The following TGFBRAP1 variants were observed in gnomAD, a reference collection of about 807,000 sequenced individuals.
TGFBRAP1 encodes the protein transforming growth factor-beta receptor-associated protein 1.
A neutral mutation model predicts 83.2 loss-of-function variants in TGFBRAP1; 20 were observed. The observed-to-expected ratio is 0.24, with a 90% confidence interval of 0.17 to 0.35. The LOEUF is 0.35. Among genes scored for constraint, TGFBRAP1 ranks in the 10% least tolerant of loss-of-function variants. The pLI is 1.00. For missense variants in TGFBRAP1, 950 were observed against 1,099.4 expected (o/e 0.86, Z 1.92); for synonymous variants, 415 against 459.8 (o/e 0.90, Z 1.25).
intron 4 of TGFBRAP1, among the ~76,000 whole-genome samples, chr2:105,287,749 A>G (rs1211235104): frequency 6.6e-6 from 1 of 152,128 alleles, no homozygotes; most frequent in African/African-American, 2.4e-5. Context: ...ACTCCTAACT[A>G]ATCCCAGGCT....
intron 5 of TGFBRAP1, among the ~76,000 whole-genome samples, chr2:105,282,183 G>A (rs1371418432): frequency 6.6e-6 from 1 of 152,210 alleles, no homozygotes; most frequent in Non-Finnish European, 1.5e-5. Context: ...AAGCTAGAAT[G>A]GGCATGCCAG....
At chr2:105,274,876 G>A (rs1272494279) in intron 8 of TGFBRAP1, among the ~76,000 whole-genome samples, 6 of 152,212 alleles carry the variant, frequency 3.9e-5, no homozygotes, top group Non-Finnish European at 4.4e-5. Context: ...TCTCCAAGGG[G>A]AGCCATGGAA....
chr2:105,281,664 T>G (rs553074535), intron 5 of TGFBRAP1, among the ~76,000 whole-genome samples: 96 of 152,212 alleles, frequency 6.3e-4, no homozygotes, highest in African/African-American at 2.2e-3. Flanking sequence ...CCCAAACTGA[T>G]CTCAAGCTAC....
chr2:105,275,421 G>C, intron 8 of TGFBRAP1, 139 bp downstream of exon 8: 2 of 1,370,512 alleles, frequency 1.5e-6, no homozygotes, highest in Admixed American at 2.8e-5. Flanking sequence ...GGTATTAAAA[G>C]GGGAATAATA....
At position 105,273,643 on chromosome 2, in the gene TGFBRAP1, C is replaced by T. The variant is rs1385514711; in HGVS notation, c.1713G>A (p.Lys571=). Residue 571 remains lysine, a synonymous_variant, in exon 9 of 12, where the codon AAG becomes AAA. Transcript: ENST00000393359. ...FTKRPLDEQQ[K]NSFNPDDIIN... is the part of the protein sequence containing the mutation. ...TAATGTCGTCTGGATTAAAACTGTT[C>T]TTCTGCTGTTCATCCAAAGGTCTCT... 6.2e-7 allele frequency: 1 copy of T among 1,614,070 alleles called. No individual in the cohort carries two copies. The highest frequency in any genetic ancestry group is 1.7e-5 in the Admixed American group (1 of 60,014).
At chr2:105,268,797 G>A (rs1328262174) in intron 11 of TGFBRAP1, among the ~76,000 whole-genome samples, 1 of 152,350 alleles carries the variant, frequency 6.6e-6, no homozygotes, top group East Asian at 1.9e-4. Flanking sequence ...CGAAGAATGT[G>A]GGGTTCTCAA....
chr2:105,262,302 G>T (rs1346226938), downstream of TGFBRAP1, among the ~76,000 whole-genome samples: 1 of 152,172 alleles, frequency 6.6e-6, no homozygotes, highest in Non-Finnish European at 1.5e-5. Context: ...GTGGTAAAGA[G>T]TGAGTTCTCA....
intron 2 of TGFBRAP1, among the ~76,000 whole-genome samples, chr2:105,301,697 C>T (rs1358161471): frequency 1.3e-5 from 2 of 152,130 alleles, no homozygotes; most frequent in Non-Finnish European, 2.9e-5. Context: ...AGAAGCAATA[C>T]CTGAAAATAT....
intron 1 of TGFBRAP1, among the ~76,000 whole-genome samples, chr2:105,309,101 A>C (rs1678615002): frequency 6.6e-6 from 1 of 152,238 alleles, no homozygotes; most frequent in East Asian, 1.9e-4. Context: ...AGACTTTCCC[A>C]CACACTAGCC....
chr2:105,283,454 A>G (rs181185918), intron 5 of TGFBRAP1, among the ~76,000 whole-genome samples: 8 of 152,368 alleles, frequency 5.3e-5, no homozygotes, highest in Admixed American at 2.0e-4. Flanking sequence ...GGATGAAAAT[A>G]TCTATTCAGG....
chr2:105,286,611 T>C (rs1216172359), intron 4 of TGFBRAP1, among the ~76,000 whole-genome samples: 1 of 152,184 alleles, frequency 6.6e-6, no homozygotes, highest in African/African-American at 2.4e-5. Flanking sequence ...GTGGTGCAAA[T>C]TGCCAGGTGA....
chr2:105,289,415 C>T (rs181570427), intron 4 of TGFBRAP1, among the ~76,000 whole-genome samples: 13 of 152,266 alleles, frequency 8.5e-5, no homozygotes, highest in Admixed American at 3.3e-4. Context: ...GCATTGAAAA[C>T]GGATACAGTG....
chr2:105,300,818 G>T (rs1202118576), intron 2 of TGFBRAP1, among the ~76,000 whole-genome samples: 1 of 152,180 alleles, frequency 6.6e-6, no homozygotes, highest in Non-Finnish European at 1.5e-5. Context: ...AGAAAATCCA[G>T]AGACAGACCC....
chr2:105,284,279 CT>C (rs1342921237), intron 5 of TGFBRAP1, 36 bp downstream of exon 5: 1 of 1,597,170 alleles, frequency 6.3e-7, no homozygotes, highest in Non-Finnish European at 8.6e-7. Flanking sequence ...CAGAGGGACA[CT>C]GTAGTGGCAG....
At chr2:105,285,024 T>C (rs1677666981) in intron 4 of TGFBRAP1, among the ~76,000 whole-genome samples, 1 of 152,202 alleles carries the variant, frequency 6.6e-6, no homozygotes, top group Non-Finnish European at 1.5e-5. Context: ...ATTAGGAACC[T>C]GCTGTGTGGT....
intron 1 of TGFBRAP1, among the ~76,000 whole-genome samples, chr2:105,322,705 A>G (rs1234737406): frequency 6.6e-6 from 1 of 152,200 alleles, no homozygotes; most frequent in Non-Finnish European, 1.5e-5. Context: ...GTATGAAGCT[A>G]TACAGGTGTA....
chr2:105,319,956 C>G lies in TGFBRAP1; in HGVS notation c.-18+9669G>C, dbSNP rs533032487. The stretch of plus-strand genomic sequence containing the variant: ...ATACACACATACATACACACACACA[C>G]ACAATAGGAAACTCCTAATCTGGTA... On this transcript the variant is annotated intron_variant, in intron 1 of 11. Coordinates refer to ENST00000393359, the MANE Select transcript of TGFBRAP1 (RefSeq NM_004257.6). Among the ~76,000 whole-genome samples, 4 of 151,846 alleles carry G rather than the reference C, an allele frequency of 2.6e-5. No individual in the cohort carries two copies. In the South Asian group the frequency reaches 8.3e-4, roughly 32 times the overall value.
the TGFBRAP1 span, among the ~76,000 whole-genome samples, chr2:105,250,439 C>T: frequency 1.3e-5 from 2 of 152,156 alleles, no homozygotes; most frequent in East Asian, 1.9e-4. Context: ...AGTTCATTTT[C>T]GGAAGCATTT....
chr2:105,317,212 G>A lies in TGFBRAP1; in HGVS notation c.-17-8894C>T, dbSNP rs949194295. 5.4e-4 allele frequency among the ~76,000 whole-genome samples: 82 copies of A among 152,294 alleles called. 1 individual carries two copies. The highest frequency in any genetic ancestry group is 1.9e-3 in the African/African-American group (81 of 41,558). ...CCAGCACTCTGGGAGGCCGAGGTGG[G>A]AGGATCACGAGGTCAAAAGATGGAG... On this transcript the variant is annotated intron_variant, in intron 1 of 11. Transcript: ENST00000393359.
Sources: allele counts gnomAD v4.1 joint callset (sites outside exome capture counted in the v4.1 genomes callset), GRCh38; gene constraint gnomAD v4.1.1; transcripts MANE v1.5; gene names NCBI Gene and HGNC (gene_info 2026-07-23, HGNC 2026-07-21).